The following TRIM13 variants were observed in gnomAD, a reference collection of about 807,000 sequenced individuals.
The protein encoded by TRIM13 is tripartite motif containing 13.
Under a neutral mutation model 27.1 loss-of-function variants are expected in TRIM13, and 15 were observed. The ratio of observed to expected loss-of-function variants is 0.55; its 90% CI spans 0.37 to 0.85. The LOEUF (loss-of-function observed/expected upper bound fraction) is 0.85. Ranked by LOEUF, TRIM13 falls within the 40% of genes least tolerant of loss-of-function variation. The probability of loss-of-function intolerance (pLI) is 0.00; values close to 1 mark genes in which losing one functional copy is unlikely to be tolerated. For missense variants in TRIM13, 402 were observed against 472.2 expected, an observed-to-expected ratio of 0.85 and a Z score of 1.38; for synonymous variants, 193 against 171.5, an observed-to-expected ratio of 1.13 and a Z score of -0.98.
Position 50,015,891 on chromosome 13 carries a change from T to C in TRIM13, c.*2727T>C, listed in dbSNP as rs1266189900. The C allele has an allele frequency of 5.6e-6, 9 of 1,613,994 alleles. No individual in the cohort carries two copies. The highest frequency in any genetic ancestry group is 2.7e-5 in the African/African-American group (2 of 74,902). On this transcript the variant is annotated 3_prime_UTR_variant, in exon 2 of 2. Transcript: ENST00000378182. ...GTGTTTGGCTCTTGCAGCAAAACAA[T>C]TGAGATGCTAACAGGGAGGATTACA...
intron 1 of TRIM13, among the ~76,000 whole-genome samples, chr13:50,011,076 A>T (rs557072290): frequency 6.6e-6 from 1 of 152,326 alleles, no homozygotes; most frequent in Non-Finnish European, 1.5e-5. Flanking sequence ...GTGGTGATGA[A>T]GAATACAATT....
chr13:50,010,904 C>A (rs1207765240), intron 1 of TRIM13, among the ~76,000 whole-genome samples: 2 of 152,178 alleles, frequency 1.3e-5, no homozygotes, highest in Non-Finnish European at 2.9e-5. Context: ...TTTCTCCAGA[C>A]AACATCTGCC....
At position 50,014,655 on chromosome 13, in the gene TRIM13, T is replaced by A. The variant is rs1243367926; in HGVS notation, c.*1491T>A. The A allele has an allele frequency of 1.2e-5, 2 of 166,752 alleles. No individual in the cohort carries two copies. Among genetic ancestry groups the A allele is most frequent in the African/African-American group, 4.8e-5 (2 of 41,356 alleles). 10.3% of individuals were successfully genotyped at this position (166,752 alleles called of 1,614,324 possible). ...CACAAGAGATAAAGATACCCTCTCA[T>A]GGAATAAACACCTTGCTTAGAATTC... is the stretch of plus-strand genomic sequence containing the variant. On this transcript the variant is annotated 3_prime_UTR_variant, in exon 2 of 2. Transcript: ENST00000378182.
In TRIM13 at chr13:50,012,903, CCTT is replaced by C. The variant is rs770928434; in HGVS notation, c.966_968del (p.Leu324del). On this transcript the variant is annotated inframe_deletion, in exon 2 of 2. Coordinates refer to ENST00000378182, the MANE Select transcript of TRIM13 (RefSeq NM_213590.3). ...GCTTTTATAAGTTATTTTTGCTAAT[CCTT>C]CTGCTTGGCCTTGTCATTGTCTTTG... The C allele has an allele frequency of 6.8e-6, 11 of 1,613,848 alleles. No homozygotes were observed. The Admixed American group carries it at 1.0e-4, about 15-fold the overall frequency.
In TRIM13 at chr13:50,016,171, T is replaced by A. The variant is rs1876538292; in HGVS notation, c.*3007T>A. The A allele has an allele frequency of 1.2e-6, 1 of 824,620 alleles. No homozygotes were observed. The highest frequency in any genetic ancestry group is 1.9e-6 in the Non-Finnish European group (1 of 523,612). The allele number at this position is 824,620 out of a possible 1,614,324, so 51.1% of individuals were successfully genotyped here. ...GCCTGTAACTTCTGGAAAAGATGATTATTCAAAATAATGTTTTGGGGTAAC... is the reference window on the plus strand; with the variant it reads ...GCCTGTAACTTCTGGAAAAGATGATAATTCAAAATAATGTTTTGGGGTAAC... On this transcript the variant is annotated 3_prime_UTR_variant, in exon 2 of 2. Transcript: ENST00000378182.
In TRIM13 at chr13:50,015,307, C is replaced by T. The variant is rs750765006; in HGVS notation, c.*2143C>T. ...GTATACTGCAAGTTCCCAGGCAACT[C>T]GAATTTGCAAACACAGCCATGGATA... On this transcript the variant is annotated 3_prime_UTR_variant, in exon 2 of 2. Transcript: ENST00000378182. 6.1e-6 allele frequency: 3 copies of T among 489,196 alleles called. No individual in the cohort carries two copies. The highest frequency in any genetic ancestry group is 2.0e-5 in the African/African-American group (1 of 50,062). The allele number at this position is 489,196 out of a possible 1,614,324, so 30.3% of individuals were successfully genotyped here.
rs748251688 is a variant in TRIM13, at chr13:50,015,630, G to A, written c.*2466G>A. 7.4e-6 allele frequency: 12 copies of A among 1,614,008 alleles called. No homozygotes were observed. In the Admixed American group the frequency reaches 1.8e-4, roughly 25 times the overall value. ...AGAGACCAAGAATTCAAGATGGTTG[G>A]TGGCCAGATTTTTGTAGACAGAGAT... On this transcript the variant is annotated 3_prime_UTR_variant, in exon 2 of 2. Coordinates refer to ENST00000378182, the MANE Select transcript of TRIM13 (RefSeq NM_213590.3).
rs869065030 is a variant in TRIM13, at chr13:50,015,094, AATATATATATATATATATATATATATAT to A, written c.*1960_*1987del. The A allele has an allele frequency of 3.1e-3, 53 of 16,852 alleles. 1 individual carries two copies. Among genetic ancestry groups the A allele is most frequent in the Admixed American group, 4.6e-3 (5 of 1,076 alleles). The allele number at this position is 16,852 out of a possible 1,614,324, so 1.0% of individuals were successfully genotyped here. ...CAGTAATAAAAAAAAAAAAAAAAAA[AATATATATATATATATATATATATATAT>A]ATATATATATATATATATATATATA... On this transcript the variant is annotated 3_prime_UTR_variant, in exon 2 of 2. Coordinates refer to ENST00000378182, the MANE Select transcript of TRIM13 (RefSeq NM_213590.3).
At chr13:49,999,184 T>G (rs919131629) in intron 1 of TRIM13, among the ~76,000 whole-genome samples, 1 of 151,630 alleles carries the variant, frequency 6.6e-6, no homozygotes, top group Non-Finnish European at 1.5e-5. Context: ...CGGGTGCAGG[T>G]GTCATGGCGG....
chr13:50,012,968 A>C lies in TRIM13; in HGVS notation c.1028A>C (p.Asp343Ala), dbSNP rs766639522. Residue 343 changes from aspartate (D) to alanine (A), a missense_variant, in exon 2 of 2, where the codon GAC (aspartate) becomes GCC (alanine). Asp to Ala is a moderately radical substitution (Grantham distance 126, BLOSUM62 -2). This residue lies in a region of TRIM13 where 200 missense variants were observed against 194.7 expected (regional missense o/e 1.03). Transcript: ENST00000378182. ...TMFLEWSLFD[D>A]LATWKGCLSN... ...TTCCTAGAATGGTCATTATTTGATG[A>C]CCTGGCAACTTGGAAAGGCTGTCTT... is the stretch of plus-strand genomic sequence containing the variant. 4 of 1,613,714 alleles carry C rather than the reference A, an allele frequency of 2.5e-6. No homozygotes were observed. The Admixed American group carries it at 6.7e-5, about 27-fold the overall frequency.
rs1436830600 is a variant in TRIM13 at position 50,009,879 on chromosome 13, T to C, written c.-6-2056T>C. ...AGTATTTCAAGGCTGCAGTGAGCTATGATCATGCCAGTGCACTCCAGCTTG... is the reference window on the plus strand; with the variant it reads ...AGTATTTCAAGGCTGCAGTGAGCTACGATCATGCCAGTGCACTCCAGCTTG... On this transcript the variant is annotated intron_variant, in intron 1 of 1. Transcript: ENST00000378182. Among the ~76,000 whole-genome samples the C allele has an allele frequency of 2.0e-5, 3 of 151,902 alleles. No homozygotes were observed. In the East Asian group the frequency reaches 5.8e-4, roughly 29 times the overall value.
intron 1 of TRIM13, among the ~76,000 whole-genome samples, chr13:50,007,725 T>C (rs1874963647): frequency 6.9e-6 from 1 of 144,790 alleles, no homozygotes; most frequent in African/African-American, 2.6e-5. Flanking sequence ...GAGGTTGCAG[T>C]GAGCCAAGAT....
rs753156435 is a variant in TRIM13, at chr13:50,015,075, T to TAA, written c.*1930_*1931dup. On this transcript the variant is annotated 3_prime_UTR_variant, in exon 2 of 2. Coordinates refer to ENST00000378182, the MANE Select transcript of TRIM13 (RefSeq NM_213590.3). ...GAGAATGCTTTTCCCCTCCCAGTAA[T>TAA]AAAAAAAAAAAAAAAAAAAATATAT... is the stretch of plus-strand genomic sequence containing the variant. 25 of 56,074 alleles carry TAA rather than the reference T, an allele frequency of 4.5e-4. 1 individual carries two copies. Among genetic ancestry groups the TAA allele is most frequent in the African/African-American group, 2.4e-3 (23 of 9,566 alleles). 3.5% of individuals were successfully genotyped at this position (56,074 alleles called of 1,614,324 possible).
At chr13:49,998,154 C>G (rs1447070250) in intron 1 of TRIM13, among the ~76,000 whole-genome samples, 1 of 152,052 alleles carries the variant, frequency 6.6e-6, no homozygotes, top group East Asian at 1.9e-4. Flanking sequence ...TACATAGGCA[C>G]TCCTTCTAGT....
rs3742097 is a variant in TRIM13, at chr13:50,011,758, T to C, written c.-6-177T>C. Among the ~76,000 whole-genome samples, 15 of 152,312 alleles carry C rather than the reference T, an allele frequency of 9.8e-5. No individual in the cohort carries two copies. The East Asian group carries it at 2.9e-3, about 29-fold the overall frequency. On this transcript the variant is annotated intron_variant, in intron 1 of 1. Transcript: ENST00000378182. ...CTACTATTAAAGGAGCATGTTCTAG[T>C]CTCAGTGGATTAAATTTGCTTTGGT... is the stretch of plus-strand genomic sequence containing the variant.
chr13:50,014,334 AAAAAAAAAAAAT>A lies in TRIM13; in HGVS notation c.*1172_*1183del, dbSNP rs1876056774. 3 of 66,412 alleles carry A rather than the reference AAAAAAAAAAAAT, an allele frequency of 4.5e-5. No individual in the cohort carries two copies. Among genetic ancestry groups the A allele is most frequent in the Admixed American group, 2.0e-4 (1 of 4,990 alleles). The allele number at this position is 66,412 out of a possible 1,614,324, so 4.1% of individuals were successfully genotyped here. On this transcript the variant is annotated 3_prime_UTR_variant, in exon 2 of 2. Transcript: ENST00000378182. ...CTACCAAAAAAAAAAAAAAAAAAAA[AAAAAAAAAAAAT>A]ATATATATATATATACACACACACA...
rs1172779139 is a variant in TRIM13 at position 50,013,325 on chromosome 13, A to G, written c.*161A>G. On this transcript the variant is annotated 3_prime_UTR_variant, in exon 2 of 2. Coordinates refer to ENST00000378182, the MANE Select transcript of TRIM13 (RefSeq NM_213590.3). ...TCAAATTAGGTAGCATAAAGATAAA[A>G]GTGAAATTTAGTAGTATAGGCCTGA... 1 of 742,322 alleles carries G rather than the reference A, an allele frequency of 1.3e-6. No individual in the cohort carries two copies. Among genetic ancestry groups the G allele is most frequent in the Non-Finnish European group, 2.0e-6 (1 of 488,196 alleles). 46.0% of individuals were successfully genotyped at this position (742,322 alleles called of 1,614,324 possible). A position where few individuals can be genotyped will look rare whatever the true frequency, so the allele number is the denominator to read the frequency against.
intron 1 of TRIM13, among the ~76,000 whole-genome samples, chr13:50,008,700 C>G (rs1875138973): frequency 6.6e-6 from 1 of 151,916 alleles, no homozygotes; most frequent in Non-Finnish European, 1.5e-5. Context: ...TATTAGGGAT[C>G]TCAAATATTT....
At chr13:49,998,824 G>A (rs537498761) in intron 1 of TRIM13, among the ~76,000 whole-genome samples, 5 of 151,630 alleles carry the variant, frequency 3.3e-5, no homozygotes, top group African/African-American at 9.7e-5. Flanking sequence ...CCAGCTACTC[G>A]GGAGGCTGAG....
Sources: gnomAD v4.1 joint callset for allele counts (sites outside exome capture counted in the v4.1 genomes callset) on GRCh38, gnomAD v4.1.1 for gene constraint, gnomAD v4.1.1 regional missense constraint, MANE v1.5 for transcripts, NCBI Gene and HGNC (gene_info 2026-07-23, HGNC 2026-07-21) for gene names.